The following R3HDM1 variants were observed in gnomAD, a reference collection of about 807,000 sequenced individuals.
R3HDM1 encodes the protein R3H domain-containing protein 1.
In R3HDM1, 46 loss-of-function variants were observed where a neutral mutation model predicts 141.1. That is an observed-to-expected ratio of 0.33 (90% CI 0.26 to 0.42). The LOEUF (loss-of-function observed/expected upper bound fraction) is 0.42. Ranked by LOEUF, R3HDM1 falls within the 10% of genes least tolerant of loss-of-function variation. The probability of loss-of-function intolerance (pLI) is 1.00; values close to 1 mark genes in which losing one functional copy is unlikely to be tolerated. For synonymous variants in R3HDM1, 435 were observed against 472.9 expected, an observed-to-expected ratio of 0.92 and a Z score of 1.04; for missense variants, 1,184 against 1,368.3, an observed-to-expected ratio of 0.87 and a Z score of 2.12.
At chr2:135,569,280 C>T (rs992173948) in intron 1 of R3HDM1, among the ~76,000 whole-genome samples, 6 of 151,858 alleles carry the variant, frequency 4.0e-5, no homozygotes, top group African/African-American at 1.2e-4. Context: ...GTCAGGAGTT[C>T]GAGACCAGCC....
chr2:135,606,093 ATTT>A (rs2060022439), intron 3 of R3HDM1: 1 of 152,238 alleles, frequency 6.6e-6, no homozygotes, highest in South Asian at 2.1e-4. Flanking sequence ...CTTTGTTGGC[ATTT>A]AACAGGCCGG....
chr2:135,565,559 C>T (rs929985030), intron 1 of R3HDM1, among the ~76,000 whole-genome samples: 9 of 151,946 alleles, frequency 5.9e-5, no homozygotes, highest in East Asian at 3.9e-4. Flanking sequence ...AAAAATCTTT[C>T]GTTTCTTTGC....
chr2:135,557,236 T>G (rs1243450832), intron 1 of R3HDM1, among the ~76,000 whole-genome samples: 1 of 152,220 alleles, frequency 6.6e-6, no homozygotes, highest in Non-Finnish European at 1.5e-5. Flanking sequence ...GTTGTTAGTT[T>G]ATTGCTCTTT....
chr2:135,665,164 A>T (rs1042816871), intron 19 of R3HDM1, among the ~76,000 whole-genome samples: 7 of 152,228 alleles, frequency 4.6e-5, no homozygotes, highest in African/African-American at 1.7e-4. Flanking sequence ...ATAAAGATTT[A>T]TTACTTTAAA....
At chr2:135,610,565 G>A (rs1181849971) in intron 3 of R3HDM1, among the ~76,000 whole-genome samples, 1 of 152,152 alleles carries the variant, frequency 6.6e-6, no homozygotes, top group African/African-American at 2.4e-5. Context: ...TTTAAAAGAG[G>A]TTTGGGCAAG....
chr2:135,567,171 A>G (rs1702980799), intron 1 of R3HDM1, among the ~76,000 whole-genome samples: 1 of 152,150 alleles, frequency 6.6e-6, no homozygotes, highest in Non-Finnish European at 1.5e-5. Context: ...GTAACTGAGC[A>G]GTATCCTACC....
At chr2:135,552,208 C>T (rs1573701965) in intron 1 of R3HDM1, among the ~76,000 whole-genome samples, 1 of 151,522 alleles carries the variant, frequency 6.6e-6, no homozygotes, top group Admixed American at 6.6e-5. Context: ...TTGGGGGGTG[C>T]GGGGAGGGAC....
chr2:135,628,527 A>T (rs191330237), intron 7 of R3HDM1, among the ~76,000 whole-genome samples: 14 of 152,334 alleles, frequency 9.2e-5, no homozygotes, highest in African/African-American at 3.4e-4. Flanking sequence ...AGAACAATTG[A>T]AATATTCTTA....
chr2:135,667,750 C>T, intron 19 of R3HDM1: 2 of 982,338 alleles, frequency 2.0e-6, no homozygotes, highest in Non-Finnish European at 2.4e-6. Flanking sequence ...AGCCTTCTCC[C>T]TCTTTTCCAG....
chr2:135,573,692 G>T (rs1704687357), intron 1 of R3HDM1, among the ~76,000 whole-genome samples: 2 of 152,106 alleles, frequency 1.3e-5, no homozygotes, highest in African/African-American at 4.8e-5. Flanking sequence ...TGGCAGTTGA[G>T]TGGTGAAAAG....
intron 6 of R3HDM1, chr2:135,622,143 A>G (rs2061570204): frequency 2.0e-6 from 2 of 983,980 alleles, no homozygotes; most frequent in Non-Finnish European, 2.4e-6. Context: ...GATAGCATGA[A>G]TATTTGAAAA....
chr2:135,704,462 C>T (rs575086514), intron 21 of R3HDM1, among the ~76,000 whole-genome samples: 1 of 142,552 alleles, frequency 7.0e-6, no homozygotes, highest in East Asian at 2.1e-4. Context: ...TTTATAATTA[C>T]AAAATGCATG....
chr2:135,651,985 C>A lies in R3HDM1; in HGVS notation c.1981C>A (p.Gln661Lys), dbSNP rs757843528. The change falls in exon 18 of 27, where the codon CAG (glutamine) becomes AAG (lysine). Residue 661 changes from glutamine (Q) to lysine (K), a missense_variant. By Grantham distance (53) the Gln-to-Lys change is moderately conservative. Transcript: ENST00000683871. ...GYPASGHPVSQPVLQQQGYIQ... is the reference protein window; with the variant it reads ...GYPASGHPVSKPVLQQQGYIQ... The stretch of plus-strand genomic sequence containing the variant: ...TCCTGCCTCTGGTCATCCTGTCAGC[C>A]AGCCTGTGCTCCAGCAGCAGGGATA... The A allele has an allele frequency of 5.6e-6, 9 of 1,610,672 alleles. No homozygotes were observed. The highest frequency in any genetic ancestry group is 7.6e-6 in the Non-Finnish European group (9 of 1,178,002).
intron 1 of R3HDM1, among the ~76,000 whole-genome samples, chr2:135,548,445 A>G (rs939383262): frequency 1.3e-5 from 2 of 152,218 alleles, no homozygotes; most frequent in African/African-American, 4.8e-5. Context: ...ATTTAGAAAA[A>G]TGCACAAATC....
At chr2:135,588,573 T>A (rs1460068980) in intron 1 of R3HDM1, among the ~76,000 whole-genome samples, 2 of 152,164 alleles carry the variant, frequency 1.3e-5, no homozygotes, top group South Asian at 4.1e-4. Flanking sequence ...TAAACATGAT[T>A]TACTGTTTGC....
At chr2:135,586,598 A>C in intron 1 of R3HDM1, 5 of 611,362 alleles carry the variant, frequency 8.2e-6, no homozygotes, top group Non-Finnish European at 1.0e-5. Flanking sequence ...TTTTTGTTAG[A>C]GGATGTGTGA....
chr2:135,695,500 A>G (rs1248622911), intron 21 of R3HDM1, among the ~76,000 whole-genome samples: 1 of 152,218 alleles, frequency 6.6e-6, no homozygotes, highest in African/African-American at 2.4e-5. Flanking sequence ...AAGTTTTTCA[A>G]AATTTGATGA....
intron 21 of R3HDM1, among the ~76,000 whole-genome samples, chr2:135,692,974 T>G (rs2072677610): frequency 1.3e-5 from 2 of 152,176 alleles, no homozygotes; most frequent in African/African-American, 4.8e-5. Flanking sequence ...TGGGTATCAT[T>G]TACTTTAACA....
Position 135,654,902 on chromosome 2 carries a change from G to GTGTGTGTA in R3HDM1, c.2028+2871_2028+2872insGTGTGTAT, listed in dbSNP as rs57409498. Among the ~76,000 whole-genome samples, 1,220 of 146,220 alleles carry GTGTGTGTA rather than the reference G, an allele frequency of 8.3e-3. 18 individuals are homozygous for GTGTGTGTA. The highest frequency in any genetic ancestry group is 0.018 in the African/African-American group (699 of 38,844). ...TGTGTGTGTGTGTGTGTGTGTGTGT[G>GTGTGTGTA]TTTGTCTTTTTGTTATTGAGCTAAG... On this transcript the variant is annotated intron_variant, in intron 18 of 26. Transcript: ENST00000683871.
Sources: allele counts gnomAD v4.1 joint callset (sites outside exome capture counted in the v4.1 genomes callset), GRCh38; gene constraint gnomAD v4.1.1; transcripts MANE v1.5; gene names NCBI Gene and HGNC (gene_info 2026-07-23, HGNC 2026-07-21).